Variants in TNR observed in about 807,000 individuals in gnomAD.
TNR encodes the protein tenascin R.
Under a neutral mutation model 150.4 loss-of-function variants are expected in TNR, and 45 were observed. The ratio of observed to expected loss-of-function variants is 0.30; its 90% CI spans 0.24 to 0.38. The LOEUF (loss-of-function observed/expected upper bound fraction) is 0.38. Among genes scored for constraint, TNR ranks in the 10% least tolerant of loss-of-function variants. The pLI is 1.00. For synonymous variants in TNR, 687 were observed against 678.4 expected (o/e 1.01, Z -0.20); for missense variants, 1,544 against 1,759.1 (o/e 0.88, Z 2.19).
intron 1 of TNR, among the ~76,000 whole-genome samples, chr1:175,690,227 G>A (rs1486371448): frequency 6.6e-6 from 1 of 152,228 alleles, no homozygotes; most frequent in Non-Finnish European, 1.5e-5. Flanking sequence ...CCTACTACGT[G>A]TGGGGTACTG....
chr1:175,494,903 T>A (rs1658417192), intron 2 of TNR, among the ~76,000 whole-genome samples: 1 of 152,180 alleles, frequency 6.6e-6, no homozygotes, highest in Admixed American at 6.5e-5. Flanking sequence ...GGAACTTCTT[T>A]CCTATAATGA....
At chr1:175,580,572 G>A (rs2102228087) in intron 1 of TNR, among the ~76,000 whole-genome samples, 1 of 152,288 alleles carries the variant, frequency 6.6e-6, no homozygotes, top group Non-Finnish European at 1.5e-5. Context: ...CTGTGCACAT[G>A]GAATAAACCC....
intron 1 of TNR, among the ~76,000 whole-genome samples, chr1:175,684,782 A>G (rs1353514129): frequency 6.6e-6 from 1 of 152,214 alleles, no homozygotes; most frequent in Non-Finnish European, 1.5e-5. Flanking sequence ...GGAGGTTGAC[A>G]GTATACATGA....
chr1:175,607,114 C>T (rs1268766778), intron 1 of TNR, among the ~76,000 whole-genome samples: 2 of 152,214 alleles, frequency 1.3e-5, no homozygotes, highest in Non-Finnish European at 2.9e-5. Context: ...AACAAAACAT[C>T]CATCTATCCC....
chr1:175,647,435 C>CAAAAAA lies in TNR; in HGVS notation c.-165+95785_-165+95790dup, dbSNP rs397745737. ...AAAATACGCTTGTTACTATTCGGTG[C>CAAAAAA]AAAAAAAAAAAAAACCTCATTGTCT... On this transcript the variant is annotated intron_variant, in intron 1 of 22. Coordinates refer to ENST00000367674, the MANE Select transcript of TNR (RefSeq NM_003285.3). Among the ~76,000 whole-genome samples, 64 of 121,666 alleles carry CAAAAAA rather than the reference C, an allele frequency of 5.3e-4. 1 individual carries two copies. Among genetic ancestry groups the CAAAAAA allele is most frequent in the African/African-American group, 1.8e-3 (59 of 32,750 alleles). The allele number at this position is 121,666 out of a possible 152,430, so 79.8% of individuals were successfully genotyped here.
chr1:175,599,313 A>G lies in TNR; in HGVS notation c.-164-70944T>C, dbSNP rs909442041. 6.6e-6 allele frequency among the ~76,000 whole-genome samples: 1 copy of G among 152,174 alleles called. No individual in the cohort carries two copies. The highest frequency in any genetic ancestry group is 2.4e-5 in the African/African-American group (1 of 41,434). On this transcript the variant is annotated intron_variant, in intron 1 of 22. Coordinates refer to ENST00000367674, the MANE Select transcript of TNR (RefSeq NM_003285.3). The surrounding 1 kb of genome is among the most constrained non-coding windows in gnomAD (Gnocchi z 4.7). ...AGAGCAGTGGCGGAGACATCGCAGC[A>G]ACGCTAACGGGGCAGACCGCATAGG...
chr1:175,668,727 T>A (rs1665604030), intron 1 of TNR, among the ~76,000 whole-genome samples: 1 of 152,224 alleles, frequency 6.6e-6, no homozygotes, highest in Admixed American at 6.5e-5. Flanking sequence ...TTCTCTCTAA[T>A]GATCTCAAGA....
rs978041508 is a variant in TNR, at chr1:175,716,690, A to G, written c.-165+26536T>C. Among the ~76,000 whole-genome samples, 7 of 152,222 alleles carry G rather than the reference A, an allele frequency of 4.6e-5. No homozygotes were observed. In the South Asian group the frequency reaches 8.3e-4, roughly 18 times the overall value. Reference sequence around the variant, plus strand: ...ATTCAGGGAGTTTTATAAAACACCAATGAGACCAATGATTAGGATGAATTA... The same window carrying G: ...ATTCAGGGAGTTTTATAAAACACCAGTGAGACCAATGATTAGGATGAATTA... On this transcript the variant is annotated intron_variant, in intron 1 of 22. Coordinates refer to ENST00000367674, the MANE Select transcript of TNR (RefSeq NM_003285.3).
chr1:175,514,033 G>C (rs574533866), intron 2 of TNR, among the ~76,000 whole-genome samples: 5 of 152,318 alleles, frequency 3.3e-5, no homozygotes, highest in South Asian at 4.1e-4. Context: ...TATAAGTTGT[G>C]ATGGGCAGAA....
chr1:175,635,581 C>T (rs1664468435), intron 1 of TNR, among the ~76,000 whole-genome samples: 1 of 152,078 alleles, frequency 6.6e-6, no homozygotes, highest in Non-Finnish European at 1.5e-5. Flanking sequence ...TAAAAACTCC[C>T]CCAAATCCAG....
At chr1:175,622,870 T>G (rs566240574) in intron 1 of TNR, among the ~76,000 whole-genome samples, 2 of 152,320 alleles carry the variant, frequency 1.3e-5, no homozygotes, top group South Asian at 2.1e-4. Context: ...TAAAGCTTCT[T>G]AAGCCCATCT....
intron 1 of TNR, among the ~76,000 whole-genome samples, chr1:175,577,117 G>A (rs116906762): frequency 1.7e-4 from 26 of 152,216 alleles, no homozygotes; most frequent in East Asian, 1.2e-3. Context: ...TTCATGCAGC[G>A]GGGTAAGCAT....
intron 1 of TNR, among the ~76,000 whole-genome samples, chr1:175,731,097 T>A (rs1667626229): frequency 6.6e-6 from 1 of 152,212 alleles, no homozygotes; most frequent in Non-Finnish European, 1.5e-5. Context: ...AGTCTCTAAA[T>A]GACACCCCAG....
At chr1:175,415,144 G>A (rs1251261625) in intron 2 of TNR, among the ~76,000 whole-genome samples, 2 of 125,944 alleles carry the variant, frequency 1.6e-5, no homozygotes, top group Non-Finnish European at 3.3e-5. Flanking sequence ...CTTTTTTTGT[G>A]CTTTTTTTTT....
At chr1:175,628,700 A>G (rs189743922) in intron 1 of TNR, among the ~76,000 whole-genome samples, 33 of 152,218 alleles carry the variant, frequency 2.2e-4, no homozygotes, top group African/African-American at 7.5e-4. Context: ...GAGGAGCAGC[A>G]GAGAAAGAAT....
At position 175,629,502 on chromosome 1, in the gene TNR, A is replaced by G. The variant is rs80074844; in HGVS notation, c.-164-101133T>C. Among the ~76,000 whole-genome samples the G allele has an allele frequency of 5.3e-3, 799 of 151,996 alleles. 5 individuals carry two copies. Among genetic ancestry groups the G allele is most frequent in the African/African-American group, 0.019 (772 of 41,436 alleles). The stretch of plus-strand genomic sequence containing the variant: ...GAGAACAATTTTTTTTTCTGTATAG[A>G]GATGTGGGGGAGGGGTGAGAAGAGG... On this transcript the variant is annotated intron_variant, in intron 1 of 22. Transcript: ENST00000367674.
At chr1:175,623,372 A>G (rs1036749301) in intron 1 of TNR, among the ~76,000 whole-genome samples, 2 of 152,214 alleles carry the variant, frequency 1.3e-5, no homozygotes, top group African/African-American at 4.8e-5. Flanking sequence ...CCCAGAAAAC[A>G]GTTTCTTACC....
At chr1:175,494,829 A>C (rs1255379686) in intron 2 of TNR, among the ~76,000 whole-genome samples, 6 of 152,128 alleles carry the variant, frequency 3.9e-5, no homozygotes, top group Non-Finnish European at 8.8e-5. Context: ...GACTCTTTCT[A>C]AGGGATAGAT....
rs547061004 is a variant in TNR at position 175,546,882 on chromosome 1, C to T, written c.-164-18513G>A. ...GGTCATGGAGGTGGGCAAGTGGGCA[C>T]AGGCTCACCTCAAGTTGACCAGAGT... On this transcript the variant is annotated intron_variant, in intron 1 of 22. Transcript: ENST00000367674. 2.0e-5 allele frequency among the ~76,000 whole-genome samples: 3 copies of T among 152,314 alleles called. No homozygotes were observed. The South Asian group carries it at 6.2e-4, about 32-fold the overall frequency.
Sources: allele counts gnomAD v4.1 joint callset (sites outside exome capture counted in the v4.1 genomes callset), GRCh38; gene constraint gnomAD v4.1.1; non-coding constraint Gnocchi (gnomAD v3.1); transcripts MANE v1.5; gene names NCBI Gene and HGNC (gene_info 2026-07-23, HGNC 2026-07-21).